Variants in SORCS1 observed in about 807,000 individuals in gnomAD.
SORCS1 encodes sortilin related VPS10 domain containing receptor 1.
In SORCS1, 60 loss-of-function variants were observed where a neutral mutation model predicts 146.1. The observed-to-expected ratio is 0.41, with a 90% CI of 0.33 to 0.51. The LOEUF (loss-of-function observed/expected upper bound fraction) is 0.51, where lower values mean the gene tolerates loss of function less well. Among genes scored for constraint, SORCS1 ranks in the 20% least tolerant of loss-of-function variants. SORCS1 has a pLI of 0.21. For missense variants in SORCS1, 1,352 were observed against 1,487.6 expected (o/e 0.91, Z 1.50); for synonymous variants, 637 against 584.0 (o/e 1.09, Z -1.31).
intron 2 of SORCS1, among the ~76,000 whole-genome samples, chr10:106,888,806 T>C (rs563037368): frequency 1.2e-4 from 18 of 152,350 alleles, no homozygotes; most frequent in African/African-American, 4.1e-4. Flanking sequence ...TAGGAGAATC[T>C]ATGTCCTAGA....
At chr10:106,633,212 G>C (rs868286972) in intron 18 of SORCS1, among the ~76,000 whole-genome samples, 1 of 152,176 alleles carries the variant, frequency 6.6e-6, no homozygotes, top group African/African-American at 2.4e-5. Context: ...ACATATTTAT[G>C]GGGGTATATG....
chr10:106,826,084 C>T (rs1433335711), intron 3 of SORCS1, among the ~76,000 whole-genome samples: 1 of 152,222 alleles, frequency 6.6e-6, no homozygotes, highest in Non-Finnish European at 1.5e-5. Flanking sequence ...GGACTCTGAT[C>T]CCCGGTAGTA....
intron 1 of SORCS1, among the ~76,000 whole-genome samples, chr10:106,989,354 GTACCT>G (rs1463103120): frequency 6.7e-6 from 1 of 149,476 alleles, no homozygotes; most frequent in African/African-American, 2.5e-5. Flanking sequence ...TCCCTTGGTA[GTACCT>G]TGATTCTGCC....
At chr10:107,076,972 C>A (rs141592859) in intron 1 of SORCS1, among the ~76,000 whole-genome samples, 1 of 152,264 alleles carries the variant, frequency 6.6e-6, no homozygotes, top group South Asian at 2.1e-4. Flanking sequence ...GATATGCACA[C>A]TTTACCTGTT....
At chr10:106,775,185 G>T (rs991585135) in intron 4 of SORCS1, among the ~76,000 whole-genome samples, 2 of 152,156 alleles carry the variant, frequency 1.3e-5, no homozygotes, top group African/African-American at 4.8e-5. Context: ...GGCATCGGTG[G>T]GGGGGAATTA....
chr10:106,688,158 G>C, intron 10 of SORCS1, 34 bp downstream of exon 10: 1 of 1,606,750 alleles, frequency 6.2e-7, no homozygotes, highest in Non-Finnish European at 8.5e-7. Flanking sequence ...TCCCTCTACT[G>C]TGTGAGGCAT....
intron 1 of SORCS1, among the ~76,000 whole-genome samples, chr10:106,962,340 A>G (rs1955265736): frequency 7.1e-6 from 1 of 141,300 alleles, no homozygotes; most frequent in East Asian, 2.2e-4. Flanking sequence ...GGTTGTGGTG[A>G]GCCAAATCGC....
chr10:106,772,002 T>C (rs764421665), intron 4 of SORCS1, among the ~76,000 whole-genome samples: 3 of 152,198 alleles, frequency 2.0e-5, no homozygotes, highest in Non-Finnish European at 4.4e-5. Flanking sequence ...TTGGCAACTA[T>C]GATGGTGGTC....
At chr10:106,733,107 C>CAAAAAAAAAAAAAAAAAAAAAAAA (rs1350500252) in intron 5 of SORCS1, among the ~76,000 whole-genome samples, 4 of 111,192 alleles carry the variant, frequency 3.6e-5, no homozygotes, top group Non-Finnish European at 5.7e-5. Flanking sequence ...TACTCCATTT[C>CAAAAAAAAAAAAAAAAAAAAAAAA]AAAAAAAAGA....
intron 12 of SORCS1, 92 bp downstream of exon 12, chr10:106,679,164 G>T (rs768508995): frequency 3.2e-5 from 26 of 807,402 alleles, no homozygotes; most frequent in Non-Finnish European, 5.0e-5. Flanking sequence ...TTTATGTGTA[G>T]CACCGCTGAA....
chr10:106,618,645 T>A (rs915717649), intron 20 of SORCS1, among the ~76,000 whole-genome samples: 2 of 152,160 alleles, frequency 1.3e-5, no homozygotes. Flanking sequence ...GGGGCTCATA[T>A]TAATCCAGAT....
At chr10:107,177,690 G>C in the SORCS1 span, among the ~76,000 whole-genome samples, 1 of 152,106 alleles carries the variant, frequency 6.6e-6, no homozygotes, top group Non-Finnish European at 1.5e-5. Context: ...GATCAAATCA[G>C]CGCATTTAAA....
At chr10:106,925,902 C>G (rs1952990743) in intron 2 of SORCS1, among the ~76,000 whole-genome samples, 1 of 152,138 alleles carries the variant, frequency 6.6e-6, no homozygotes, top group East Asian at 1.9e-4. Context: ...CTCTCTAAAA[C>G]AGTTCTGTTC....
intron 1 of SORCS1, among the ~76,000 whole-genome samples, chr10:107,095,450 A>C (rs921562142): frequency 1.3e-5 from 2 of 152,128 alleles, no homozygotes; most frequent in African/African-American, 4.8e-5. Flanking sequence ...ACCCAAGCAA[A>C]GAAGAAAGAG....
intron 3 of SORCS1, among the ~76,000 whole-genome samples, chr10:106,814,776 G>A (rs890544251): frequency 6.6e-6 from 1 of 151,742 alleles, no homozygotes; most frequent in Non-Finnish European, 1.5e-5. Flanking sequence ...TTAGCCAGGC[G>A]TGGTGGTGGG....
intron 2 of SORCS1, among the ~76,000 whole-genome samples, chr10:106,834,470 T>C (rs778606279): frequency 6.6e-6 from 1 of 152,168 alleles, no homozygotes; most frequent in Non-Finnish European, 1.5e-5. Context: ...TATTTGATGA[T>C]AGGATCCATT....
intron 1 of SORCS1, among the ~76,000 whole-genome samples, chr10:106,962,370 G>A (rs536108383): frequency 1.9e-4 from 21 of 108,896 alleles, no homozygotes; most frequent in Middle Eastern, 6.3e-3. Context: ...CTCCAGCCTG[G>A]GCAACAAGAG....
chr10:106,643,625 A>G (rs1336159414), intron 18 of SORCS1, among the ~76,000 whole-genome samples: 1 of 152,234 alleles, frequency 6.6e-6, no homozygotes, highest in Admixed American at 6.5e-5. Context: ...CCTGCTGTTG[A>G]AGCTTTGCCC....
chr10:107,022,869 T>C (rs998260600), intron 1 of SORCS1, among the ~76,000 whole-genome samples: 1 of 152,166 alleles, frequency 6.6e-6, no homozygotes, highest in African/African-American at 2.4e-5. Context: ...AGGTGTAAGA[T>C]GGGAGGAGCT....
Sources: gnomAD v4.1 joint callset for allele counts (sites outside exome capture counted in the v4.1 genomes callset) on GRCh38, gnomAD v4.1.1 for gene constraint, MANE v1.5 for transcripts, NCBI Gene and HGNC (gene_info 2026-07-23, HGNC 2026-07-21) for gene names.